CASP8: variants seen among roughly 807,000 people sequenced by gnomAD.
The protein encoded by CASP8 is caspase-8.
In CASP8, 24 loss-of-function variants were observed where a neutral mutation model predicts 46.3. The observed-to-expected ratio is 0.52, with a 90% CI of 0.38 to 0.73. The LOEUF is 0.73. Ranked by LOEUF, CASP8 falls within the 30% of genes least tolerant of loss-of-function variation. The pLI is 0.00. For missense variants in CASP8, 460 were observed against 559.0 expected, an observed-to-expected ratio of 0.82 and a Z score of 1.79; for synonymous variants, 188 against 200.4, an observed-to-expected ratio of 0.94 and a Z score of 0.52.
intron 2 of CASP8, among the ~76,000 whole-genome samples, chr2:201,268,944 TGTGTGTGTGTGTGA>T (rs922816013): frequency 1.4e-5 from 2 of 145,346 alleles, no homozygotes; most frequent in Admixed American, 6.9e-5. Context: ...TGTGTGTGTG[TGTGTGTGTGTGTGA>T]GACAGTGTCT....
chr2:201,236,929 A>G (rs1946073824), intron 2 of CASP8, among the ~76,000 whole-genome samples: 1 of 152,082 alleles, frequency 6.6e-6, no homozygotes, highest in African/African-American at 2.4e-5. Context: ...CAAGTAAAGA[A>G]TAAATTTAGC....
At position 201,286,599 on chromosome 2, in the gene CASP8, G is replaced by A. The variant is rs1479877429; in HGVS notation, c.*5G>A. ...CTTGTCTTCCCTTCTGATTGATGGTGCTATTTTGTTTGTTTTGTTTTGTTT... is the reference window on the plus strand; with the variant it reads ...CTTGTCTTCCCTTCTGATTGATGGTACTATTTTGTTTGTTTTGTTTTGTTT... On this transcript the variant is annotated 3_prime_UTR_variant, in exon 9 of 9. Coordinates refer to ENST00000673742, the MANE Select transcript of CASP8 (RefSeq NM_001372051.1). The A allele has an allele frequency of 6.2e-7, 1 of 1,612,600 alleles. No individual in the cohort carries two copies. Among genetic ancestry groups the A allele is most frequent in the African/African-American group, 1.3e-5 (1 of 74,820 alleles).
Position 201,280,035 on chromosome 2 carries a change from G to T in CASP8, c.802+3067G>T, listed in dbSNP as rs374487898. ...TGAAACAGAATATGAATGAAAAAAAGATAATGTTGAGAAAAAAGCAACCTT... is the reference window on the plus strand; with the variant it reads ...TGAAACAGAATATGAATGAAAAAAATATAATGTTGAGAAAAAAGCAACCTT... On this transcript the variant is annotated intron_variant, in intron 7 of 8. Transcript: ENST00000673742. Among the ~76,000 whole-genome samples the T allele has an allele frequency of 2.4e-3, 368 of 152,144 alleles. 1 individual carries two copies. The highest frequency in any genetic ancestry group is 8.3e-3 in the African/African-American group (343 of 41,512).
chr2:201,251,903 TAA>T (rs764555307), intron 2 of CASP8, among the ~76,000 whole-genome samples: 6 of 141,358 alleles, frequency 4.2e-5, no homozygotes, highest in Admixed American at 7.1e-5. Context: ...AGACTCCGTC[TAA>T]AAAAAAAAAA....
chr2:201,248,301 A>G (rs1454507693), intron 2 of CASP8, among the ~76,000 whole-genome samples: 4 of 152,106 alleles, frequency 2.6e-5, no homozygotes, highest in Non-Finnish European at 5.9e-5. Context: ...AGCTGGTTGC[A>G]GGAAGGCCCC....
chr2:201,269,486 G>GC lies in CASP8; in HGVS notation c.306-2027dup, dbSNP rs1468551453. On this transcript the variant is annotated intron_variant, in intron 2 of 8. Coordinates refer to ENST00000673742, the MANE Select transcript of CASP8 (RefSeq NM_001372051.1). The stretch of plus-strand genomic sequence containing the variant: ...AAAGCCGAGGGGGGTCTCATCTTGT[G>GC]CCCACCATCTTGGTCCTTTGAAGGT... 2.5e-6 allele frequency: 4 copies of GC among 1,577,384 alleles called. No individual in the cohort carries two copies. The Admixed American group carries it at 6.8e-5, about 27-fold the overall frequency.
At chr2:201,273,666 T>C (rs903712712) in intron 5 of CASP8, among the ~76,000 whole-genome samples, 2 of 152,110 alleles carry the variant, frequency 1.3e-5, no homozygotes, top group African/African-American at 4.8e-5. Flanking sequence ...AAAATTTTGA[T>C]TAATCAAATA....
chr2:201,267,612 G>C (rs1371943777), intron 2 of CASP8, among the ~76,000 whole-genome samples: 3 of 152,308 alleles, frequency 2.0e-5, no homozygotes, highest in East Asian at 3.9e-4. Context: ...ACCCCATTCA[G>C]TTACAACTTC....
chr2:201,235,904 A>G (rs961303220), intron 2 of CASP8, among the ~76,000 whole-genome samples: 2 of 152,254 alleles, frequency 1.3e-5, no homozygotes, highest in African/African-American at 2.4e-5. Flanking sequence ...ACAATATTCA[A>G]TACAGTAACA....
At chr2:201,283,373 G>A (rs1576378580) in intron 7 of CASP8, among the ~76,000 whole-genome samples, 2 of 64,958 alleles carry the variant, frequency 3.1e-5, no homozygotes, top group Non-Finnish European at 7.2e-5. Flanking sequence ...CTCCCGGACG[G>A]GGCGGCTGGC....
In CASP8 at chr2:201,266,839, A is replaced by G. The variant is rs2125157388; in HGVS notation, c.305+48A>G. 6.8e-7 allele frequency: 1 copy of G among 1,475,436 alleles called. No homozygotes were observed. The allele number at this position is 1,475,436 out of a possible 1,614,324, so 91.4% of individuals were successfully genotyped here. On this transcript the variant is annotated intron_variant, in intron 2 of 8. Coordinates refer to ENST00000673742, the MANE Select transcript of CASP8 (RefSeq NM_001372051.1). This position sits in a 1 kb window ranked among gnomAD's most constrained non-coding sequence, Gnocchi z 5.7. ...GGACTGGGAGGTGTGGGTTGAATGG[A>G]CAGCCTCTGAGCTGATTGGGGCTTT...
At chr2:201,276,690 A>C in intron 6 of CASP8, 137 bp from the exon 7 acceptor site, 1 of 1,040,262 alleles carries the variant, frequency 9.6e-7, no homozygotes. Context: ...AATAGGTAGA[A>C]ACTAGTTCTT....
At chr2:201,254,835 A>G (rs146378862) in intron 2 of CASP8, among the ~76,000 whole-genome samples, 18 of 152,348 alleles carry the variant, frequency 1.2e-4, no homozygotes, top group African/African-American at 3.8e-4. Flanking sequence ...GAGTCAAAGC[A>G]GACCTGTCCT....
chr2:201,274,471 A>C (rs765061293), intron 5 of CASP8, among the ~76,000 whole-genome samples: 1 of 152,032 alleles, frequency 6.6e-6, no homozygotes, highest in Non-Finnish European at 1.5e-5. Context: ...GTGAATTTTC[A>C]TTTTATTTCA....
intron 7 of CASP8, among the ~76,000 whole-genome samples, chr2:201,282,833 T>G (rs1248794903): frequency 7.2e-5 from 4 of 55,628 alleles, no homozygotes; most frequent in Admixed American, 1.8e-4. Flanking sequence ...CCCCCCCACC[T>G]CCCTCCCGGA....
chr2:201,234,337 T>C (rs766953171), intron 2 of CASP8, among the ~76,000 whole-genome samples: 1 of 152,194 alleles, frequency 6.6e-6, no homozygotes, highest in African/African-American at 2.4e-5. Context: ...CTAAAATGCA[T>C]TGTCTTCCTA....
Position 201,251,038 on chromosome 2 carries a change from A to G in CASP8, c.-26-15423A>G, listed in dbSNP as rs540552100. Among the ~76,000 whole-genome samples, 4 of 152,298 alleles carry G rather than the reference A, an allele frequency of 2.6e-5. No individual in the cohort carries two copies. In the East Asian group the frequency reaches 7.7e-4, roughly 29 times the overall value. On this transcript the variant is annotated intron_variant, in intron 2 of 6. Transcript: ENST00000264274. The stretch of plus-strand genomic sequence containing the variant: ...GCCTCTCCAGATTGCCTTCTTTCAC[A>G]TAGTAACATTCAATTAAGGCTCTTC...
At chr2:201,285,927 G>A (rs1242958708) in intron 8 of CASP8, among the ~76,000 whole-genome samples, 4 of 152,138 alleles carry the variant, frequency 2.6e-5, no homozygotes, top group African/African-American at 9.7e-5. Context: ...CTTAGATTTC[G>A]TAACTTAGAT....
Position 201,285,027 on chromosome 2 carries a change from T to C in CASP8, c.1014T>C (p.Ser338=). 6.2e-7 allele frequency: 1 copy of C among 1,614,206 alleles called. No individual in the cohort carries two copies. The highest frequency in any genetic ancestry group is 8.5e-7 in the Non-Finnish European group (1 of 1,180,036). Reference sequence around the variant, plus strand: ...AGGCCCCCATCTATGAGCTGACATCTCAGTTCACTGGTTTGAAGTGCCCTT... The same window carrying C: ...AGGCCCCCATCTATGAGCTGACATCCCAGTTCACTGGTTTGAAGTGCCCTT... The part of the protein sequence containing the change: ...GQEAPIYELT[S]QFTGLKCPSL... Residue 338 remains serine, a synonymous_variant, in exon 8 of 9, where the codon TCT becomes TCC. Coordinates refer to ENST00000673742, the MANE Select transcript of CASP8 (RefSeq NM_001372051.1).
Sources: allele counts gnomAD v4.1 joint callset (sites outside exome capture counted in the v4.1 genomes callset), GRCh38; gene constraint gnomAD v4.1.1; non-coding constraint Gnocchi (gnomAD v3.1); transcripts MANE v1.5; gene names NCBI Gene and HGNC (gene_info 2026-07-23, HGNC 2026-07-21).